VIPAS39: variants seen among roughly 807,000 people sequenced by gnomAD.
The protein encoded by VIPAS39 is spermatogenesis-defective protein 39 homolog.
Under a neutral mutation model 84.7 loss-of-function variants are expected in VIPAS39, and 63 were observed. The ratio of observed to expected loss-of-function variants is 0.74; its 90% CI spans 0.61 to 0.92. The LOEUF is 0.92. VIPAS39 is among the 40% of genes least tolerant of loss of function. VIPAS39 has a pLI of 0.00. For synonymous variants in VIPAS39, 192 were observed against 216.5 expected (o/e 0.89, Z 0.99); for missense variants, 499 against 604.5 (o/e 0.83, Z 1.83).
At chr14:77,444,202 T>C (rs767183477) in intron 8 of VIPAS39, 47 bp downstream of exon 8, 1 of 1,561,976 alleles carries the variant, frequency 6.4e-7, no homozygotes, top group East Asian at 2.3e-5. Context: ...TTTCAGAAAC[T>C]AGTGAAAACA....
At chr14:77,453,489 C>G in intron 2 of VIPAS39, 88 bp from the exon 3 acceptor site, 1 of 1,304,932 alleles carries the variant, frequency 7.7e-7, no homozygotes, top group Non-Finnish European at 1.1e-6. Context: ...GGAATTGGGG[C>G]CTGAAGGTGG....
At position 77,432,267 on chromosome 14, in the gene VIPAS39, A is replaced by G. The variant is rs146675329; in HGVS notation, c.1179+1575T>C. ...TTATCTTAAAAAAAGAAGAAAGATA[A>G]CAAGTGTTGGCAAGGGTATAGAGAA... On this transcript the variant is annotated intron_variant, in intron 16 of 19. Transcript: ENST00000557658. 1.4e-3 allele frequency among the ~76,000 whole-genome samples: 216 copies of G among 152,278 alleles called. 1 individual carries two copies. The highest frequency in any genetic ancestry group is 4.9e-3 in the African/African-American group (205 of 41,556).
chr14:77,457,453 T>C (rs2139924624), intron 1 of VIPAS39, 42 bp downstream of exon 1: 14 of 1,506,264 alleles, frequency 9.3e-6, no homozygotes, highest in Non-Finnish European at 1.1e-5. Context: ...AGAGGCTGGA[T>C]CCAGCCAGAT....
At chr14:77,428,571 T>G in intron 18 of VIPAS39, 97 bp from the exon 19 acceptor site, 2 of 999,052 alleles carry the variant, frequency 2.0e-6, no homozygotes, top group Non-Finnish European at 3.1e-6. Flanking sequence ...CAAGCAATCC[T>G]CTCTCCTTAG....
At chr14:77,457,114 T>G (rs2078971868) in intron 1 of VIPAS39, 1 of 1,411,568 alleles carries the variant, frequency 7.1e-7, no homozygotes. Context: ...AGACTTGGTT[T>G]CAATTATCTT....
intron 12 of VIPAS39, 77 bp from the exon 13 acceptor site, chr14:77,435,996 A>AT: frequency 1.4e-5 from 20 of 1,466,862 alleles, no homozygotes; most frequent in Non-Finnish European, 1.9e-5. Flanking sequence ...AATCGCCAGC[A>AT]TAAGTATAAG....
At chr14:77,442,220 CATA>C (rs1480349428) in intron 10 of VIPAS39, among the ~76,000 whole-genome samples, 3 of 152,206 alleles carry the variant, frequency 2.0e-5, no homozygotes, top group Non-Finnish European at 2.9e-5. Context: ...CCTTCATCTT[CATA>C]ATAACCCTGT....
chr14:77,457,581 G>C lies in VIPAS39; in HGVS notation c.-87C>G, dbSNP rs543637739. 93 of 586,224 alleles carry C rather than the reference G, an allele frequency of 1.6e-4. No homozygotes were observed. The South Asian group carries it at 1.6e-3, about 10-fold the overall frequency. 36.3% of individuals were successfully genotyped at this position (586,224 alleles called of 1,614,324 possible). A position where few individuals can be genotyped will look rare whatever the true frequency, so the allele number is the denominator to read the frequency against. On this transcript the variant is annotated 5_prime_UTR_variant, in exon 1 of 20. Coordinates refer to ENST00000557658, the MANE Select transcript of VIPAS39 (RefSeq NM_001193315.2). ...CCTTCTATTCAGGCTGTGCAGCTTA[G>C]AGAAGGGGGCGGAAGGGAATAATCG...
chr14:77,432,912 A>G (rs2078546008), intron 16 of VIPAS39, among the ~76,000 whole-genome samples: 1 of 152,210 alleles, frequency 6.6e-6, no homozygotes, highest in Admixed American at 6.5e-5. Flanking sequence ...AAAAATGGCT[A>G]ACTGTGAGAT....
chr14:77,443,749 G>T (rs1321790932), intron 8 of VIPAS39, among the ~76,000 whole-genome samples: 2 of 152,066 alleles, frequency 1.3e-5, no homozygotes, highest in African/African-American at 4.8e-5. Context: ...ACAAAAATTA[G>T]CTGGGCATGG....
intron 1 of VIPAS39, among the ~76,000 whole-genome samples, chr14:77,455,295 A>G (rs1349917412): frequency 1.3e-5 from 2 of 152,094 alleles, no homozygotes; most frequent in Non-Finnish European, 2.9e-5. Context: ...AGCCTGGGCA[A>G]CATTGTAAAA....
At chr14:77,449,984 T>C (rs1242899531) in intron 4 of VIPAS39, among the ~76,000 whole-genome samples, 1 of 152,238 alleles carries the variant, frequency 6.6e-6, no homozygotes, top group African/African-American at 2.4e-5. Context: ...ATTTTAACCA[T>C]TTTTAAGTGT....
chr14:77,452,669 A>C (rs2078899887), intron 3 of VIPAS39, among the ~76,000 whole-genome samples: 1 of 151,456 alleles, frequency 6.6e-6, no homozygotes, highest in South Asian at 2.1e-4. Context: ...AATCCCAGCT[A>C]CTAGGGAGGC....
intron 16 of VIPAS39, among the ~76,000 whole-genome samples, chr14:77,431,381 T>G (rs539779358): frequency 1.8e-4 from 28 of 152,288 alleles, no homozygotes; most frequent in African/African-American, 6.0e-4. Flanking sequence ...AATGGACATT[T>G]CTCCAAAGAA....
At chr14:77,452,770 A>T (rs969532915) in intron 3 of VIPAS39, among the ~76,000 whole-genome samples, 1 of 104,518 alleles carries the variant, frequency 9.6e-6, no homozygotes, top group African/African-American at 3.7e-5. Context: ...ACAGAGTAAG[A>T]CTCCATCTCA....
chr14:77,441,219 A>G (rs2078698568), intron 10 of VIPAS39, 126 bp from the exon 11 acceptor site: 1 of 1,037,514 alleles, frequency 9.6e-7, no homozygotes, highest in Non-Finnish European at 1.5e-6. Flanking sequence ...TACACAAGAT[A>G]AATGGTTGAT....
At chr14:77,431,406 CAAG>C (rs1446085679) in intron 16 of VIPAS39, among the ~76,000 whole-genome samples, 1 of 152,004 alleles carries the variant, frequency 6.6e-6, no homozygotes, top group Non-Finnish European at 1.5e-5. Context: ...TGGAAATGGC[CAAG>C]AAGTACATGA....
At chr14:77,438,509 G>A (rs1248850288) in intron 11 of VIPAS39, among the ~76,000 whole-genome samples, 5 of 152,220 alleles carry the variant, frequency 3.3e-5, no homozygotes, top group Admixed American at 6.5e-5. Flanking sequence ...GATTACAGGC[G>A]TGAGCCACCA....
At chr14:77,432,518 C>T (rs1364618468) in intron 16 of VIPAS39, among the ~76,000 whole-genome samples, 1 of 152,100 alleles carries the variant, frequency 6.6e-6, no homozygotes, top group Non-Finnish European at 1.5e-5. Context: ...TGGAAACAAC[C>T]TAAGTGTCCA....
Sources: allele counts gnomAD v4.1 joint callset (sites outside exome capture counted in the v4.1 genomes callset), GRCh38; gene constraint gnomAD v4.1.1; transcripts MANE v1.5; gene names NCBI Gene and HGNC (gene_info 2026-07-23, HGNC 2026-07-21).